The following ZNF492 variants were observed in gnomAD, a reference collection of about 807,000 sequenced individuals.
ZNF492 encodes the protein zinc finger protein 115 (Y20).
A neutral mutation model predicts 6.4 loss-of-function variants in ZNF492; 3 were observed. That is an observed-to-expected ratio of 0.47 (90% CI 0.21 to 1.22). The LOEUF is 1.22. Ranked by LOEUF, ZNF492 falls within the 50% of genes most tolerant of loss-of-function variation. ZNF492 has a pLI of 0.22. For synonymous variants in ZNF492, 112 were observed against 205.3 expected (o/e 0.55, Z 3.89); for missense variants, 356 against 612.5 (o/e 0.58, Z 4.42).
At chr19:22,661,731 G>A (rs2145261767) in intron 3 of ZNF492, among the ~76,000 whole-genome samples, 1 of 152,052 alleles carries the variant, frequency 6.6e-6, no homozygotes, top group Admixed American at 6.6e-5. Flanking sequence ...CACTTAGCTG[G>A]GATTACAGGC....
chr19:22,659,183 AT>A (rs1469712926), intron 3 of ZNF492, among the ~76,000 whole-genome samples: 6 of 150,452 alleles, frequency 4.0e-5, no homozygotes, highest in African/African-American at 1.5e-4. Context: ...ATATTTGTTA[AT>A]TTTTCAGATT....
chr19:22,647,607 AT>A (rs71180574), intron 1 of ZNF492, among the ~76,000 whole-genome samples: 1 of 147,500 alleles, frequency 6.8e-6, no homozygotes, highest in East Asian at 2.0e-4. Flanking sequence ...GGATTCATTG[AT>A]TTTTTTTTGA....
intron 1 of ZNF492, among the ~76,000 whole-genome samples, chr19:22,651,444 G>C (rs1294111148): frequency 6.6e-6 from 1 of 152,002 alleles, no homozygotes. Flanking sequence ...GGAATGCCAT[G>C]TGTTCAGTAC....
chr19:22,645,782 T>A (rs1971871557), intron 1 of ZNF492, among the ~76,000 whole-genome samples: 1 of 152,214 alleles, frequency 6.6e-6, no homozygotes, highest in Admixed American at 6.5e-5. Context: ...TAGAAAATCC[T>A]TTCCCCATTG....
rs1379339012 is a variant in ZNF492, at chr19:22,665,476, A to G, written c.*211A>G. ...AAAAAAGTGATTAATATCTGTGCACATCTTATTCAACATCAGAGTTTATAT... is the reference window on the plus strand; with the variant it reads ...AAAAAAGTGATTAATATCTGTGCACGTCTTATTCAACATCAGAGTTTATAT... On this transcript the variant is annotated 3_prime_UTR_variant, in exon 4 of 4. Transcript: ENST00000456783. 1 of 1,010,814 alleles carries G rather than the reference A, an allele frequency of 9.9e-7. No individual in the cohort carries two copies. The highest frequency in any genetic ancestry group is 1.4e-6 in the Non-Finnish European group (1 of 723,082). 62.6% of individuals were successfully genotyped at this position (1,010,814 alleles called of 1,614,324 possible). A position where few individuals can be genotyped will look rare whatever the true frequency, so the allele number is the denominator to read the frequency against.
At chr19:22,638,612 G>A (rs1395353667) in intron 1 of ZNF492, among the ~76,000 whole-genome samples, 1 of 152,068 alleles carries the variant, frequency 6.6e-6, no homozygotes, top group Non-Finnish European at 1.5e-5. Context: ...TTTGTTTACT[G>A]TAGCCCTGTA....
Position 22,653,432 on chromosome 19 carries a change from G to A in ZNF492, c.33G>A (p.Val11=). Residue 11 remains valine (V), a splice_region_variant and synonymous_variant, in exon 2 of 4, where the codon GTG becomes GTA. Transcript: ENST00000456783. MLENYRNLVF[V]GIAASKPDLI... is the part of the protein sequence containing the mutation. ...AGAACTACAGAAACCTGGTCTTCGT[G>A]GGTGAGGATAACTTCAATATACAAT... 2 of 1,613,544 alleles carry A rather than the reference G, an allele frequency of 1.2e-6. No individual in the cohort carries two copies. The highest frequency in any genetic ancestry group is 1.7e-5 in the Admixed American group (1 of 59,900).
chr19:22,665,156 A>T lies in ZNF492; in HGVS notation c.1487A>T (p.Lys496Met), dbSNP rs1448073068. Residue 496 changes from lysine to methionine, a missense_variant, in exon 4 of 4, where the codon AAG becomes ATG. By Grantham distance (95) the Lys-to-Met change is moderately conservative (BLOSUM62 -1). Coordinates refer to ENST00000456783, the MANE Select transcript of ZNF492 (RefSeq NM_020855.3). ...FNNSSILNRHKMIHTGEKLYK... is the reference protein window; with the variant it reads ...FNNSSILNRHMMIHTGEKLYK... Reference sequence around the variant, plus strand: ...AACTCCTCTATTCTTAACAGACATAAGATGATTCATACTGGAGAGAAACTC... The same window carrying T: ...AACTCCTCTATTCTTAACAGACATATGATGATTCATACTGGAGAGAAACTC... The T allele has an allele frequency of 2.5e-6, 4 of 1,611,366 alleles. No individual in the cohort carries two copies. The highest frequency in any genetic ancestry group is 2.5e-6 in the Non-Finnish European group (3 of 1,179,520).
chr19:22,663,278 C>A (rs1438066014), intron 3 of ZNF492, among the ~76,000 whole-genome samples: 1 of 151,866 alleles, frequency 6.6e-6, no homozygotes, highest in Non-Finnish European at 1.5e-5. Flanking sequence ...GGTCTCTATT[C>A]TGTTCCATTG....
At chr19:22,655,905 A>T (rs1477128010) in intron 3 of ZNF492, among the ~76,000 whole-genome samples, 2 of 135,274 alleles carry the variant, frequency 1.5e-5, no homozygotes, top group East Asian at 2.1e-4. Context: ...GCTCACTGCA[A>T]CCTCCACCTC....
In ZNF492 at chr19:22,665,082, T is replaced by C. The variant is rs1972109151; in HGVS notation, c.1413T>C (p.His471=). 1 of 1,608,102 alleles carries C rather than the reference T, an allele frequency of 6.2e-7. No homozygotes were observed. Among genetic ancestry groups the C allele is most frequent in the Non-Finnish European group, 8.5e-7 (1 of 1,179,582 alleles). The change falls in exon 4 of 4, where the codon CAT becomes CAC. Residue 471 remains histidine, a synonymous_variant. Coordinates refer to ENST00000456783, the MANE Select transcript of ZNF492 (RefSeq NM_020855.3). ...SSHLTTHKMI[H]TGEKPYKCEE... Reference sequence around the variant, plus strand: ...ACCTTACTACACATAAGATGATTCATACTGGAGAGAAACCCTACAAGTGTG... The same window carrying C: ...ACCTTACTACACATAAGATGATTCACACTGGAGAGAAACCCTACAAGTGTG...
chr19:22,636,414 C>T (rs12978511), intron 1 of ZNF492, among the ~76,000 whole-genome samples: 29,326 of 151,170 alleles, frequency 0.19, 3,683 homozygotes, highest in African/African-American at 0.37. Flanking sequence ...TACTTAGAAA[C>T]AACATGCATT....
intron 1 of ZNF492, among the ~76,000 whole-genome samples, chr19:22,652,814 C>G (rs925411613): frequency 2.6e-5 from 4 of 152,112 alleles, no homozygotes; most frequent in Admixed American, 2.6e-4. Flanking sequence ...CTCCTGACCT[C>G]GTGATCCACC....
At chr19:22,645,393 A>T (rs192074573) in intron 1 of ZNF492, among the ~76,000 whole-genome samples, 7 of 152,118 alleles carry the variant, frequency 4.6e-5, no homozygotes, top group Non-Finnish European at 8.8e-5. Flanking sequence ...TAAATTTTTA[A>T]AAGTTTCTTG....
chr19:22,639,069 T>A (rs1475032694), intron 1 of ZNF492, among the ~76,000 whole-genome samples: 2 of 152,034 alleles, frequency 1.3e-5, no homozygotes, highest in Non-Finnish European at 2.9e-5. Context: ...CTTCAACTCC[T>A]GACCTCGTGA....
intron 1 of ZNF492, among the ~76,000 whole-genome samples, chr19:22,640,447 C>T (rs984437371): frequency 2.0e-5 from 3 of 152,226 alleles, no homozygotes; most frequent in African/African-American, 7.2e-5. Flanking sequence ...CAGGCGTGAG[C>T]CACCACGCCC....
At chr19:22,635,760 T>C (rs1230895716) in intron 1 of ZNF492, among the ~76,000 whole-genome samples, 1 of 152,252 alleles carries the variant, frequency 6.6e-6, no homozygotes, top group Non-Finnish European at 1.5e-5. Context: ...CGATGTCTGC[T>C]AGAGTATCTA....
rs751933510 is a variant in ZNF492, at chr19:22,665,149, A to C, written c.1480A>C (p.Arg494=). The C allele has an allele frequency of 5.6e-6, 9 of 1,610,598 alleles. No individual in the cohort carries two copies. Among genetic ancestry groups the C allele is most frequent in the Non-Finnish European group, 7.6e-6 (9 of 1,179,664 alleles). Reference sequence around the variant, plus strand: ...CTTTAACAACTCCTCTATTCTTAACAGACATAAGATGATTCATACTGGAGA... The same window carrying C: ...CTTTAACAACTCCTCTATTCTTAACCGACATAAGATGATTCATACTGGAGA... ...KAFNNSSILN[R]HKMIHTGEKL... Residue 494 remains arginine (R), a synonymous_variant, in exon 4 of 4, where the codon AGA becomes CGA. Coordinates refer to ENST00000456783, the MANE Select transcript of ZNF492 (RefSeq NM_020855.3).
chr19:22,660,193 G>A (rs1309030966), intron 3 of ZNF492, among the ~76,000 whole-genome samples: 3 of 151,972 alleles, frequency 2.0e-5, no homozygotes, highest in Non-Finnish European at 2.9e-5. Context: ...AAAAAAGTTG[G>A]ATCTTGGTTT....
Sources: gnomAD v4.1 joint callset for allele counts (sites outside exome capture counted in the v4.1 genomes callset) on GRCh38, gnomAD v4.1.1 for gene constraint, MANE v1.5 for transcripts, NCBI Gene and HGNC (gene_info 2026-07-23, HGNC 2026-07-21) for gene names.